The following JHY variants were observed in gnomAD, a reference collection of about 807,000 sequenced individuals.
JHY encodes the protein junctional cadherin complex regulator.
A neutral mutation model predicts 78.0 loss-of-function variants in JHY; 69 were observed. That is an observed-to-expected ratio of 0.88 (90% CI 0.73 to 1.08). The LOEUF is 1.08. JHY is among the 50% of genes least tolerant of loss of function. The pLI, the probability that JHY is intolerant of heterozygous loss-of-function variation, is 0.00. For synonymous variants in JHY, 368 were observed against 342.6 expected (o/e 1.07, Z -0.82); for missense variants, 944 against 927.8 (o/e 1.02, Z -0.23).
At chr11:122,899,621 G>C (rs944824226) in intron 2 of JHY, among the ~76,000 whole-genome samples, 1 of 152,184 alleles carries the variant, frequency 6.6e-6, no homozygotes, top group African/African-American at 2.4e-5. Flanking sequence ...GCATACTAGG[G>C]CAGAAGTTAG....
At chr11:122,901,821 C>A (rs1390082675) in intron 2 of JHY, among the ~76,000 whole-genome samples, 1 of 150,814 alleles carries the variant, frequency 6.6e-6, no homozygotes, top group Admixed American at 6.6e-5. Context: ...TGCAGTTAAC[C>A]AAGATAGCGC....
chr11:122,951,133 G>T (rs1046925226), intron 6 of JHY, among the ~76,000 whole-genome samples: 1 of 152,170 alleles, frequency 6.6e-6, no homozygotes, highest in African/African-American at 2.4e-5. Context: ...GTTTCCAAGA[G>T]AATCGCCCTG....
At chr11:122,939,340 T>C (rs1029571420) in intron 5 of JHY, among the ~76,000 whole-genome samples, 7 of 152,112 alleles carry the variant, frequency 4.6e-5, no homozygotes, top group African/African-American at 9.7e-5. Flanking sequence ...AACTCTCACA[T>C]AGACTTTCAC....
At chr11:122,946,410 A>T in intron 5 of JHY, 88 bp from the exon 6 acceptor site, 1 of 1,369,048 alleles carries the variant, frequency 7.3e-7, no homozygotes, top group Non-Finnish European at 9.8e-7. Context: ...AAATACATCA[A>T]ATTAATGGTT....
rs776711079 is a variant in JHY, at chr11:122,946,639, G to A, written c.1776G>A (p.Thr592=). Reference sequence around the variant, plus strand: ...GTGAAGGGGCCTTATCCAGCGTCACGCTTCCACCTATACTGTCAAGGGTAG... The same window carrying A: ...GTGAAGGGGCCTTATCCAGCGTCACACTTCCACCTATACTGTCAAGGGTAG... ...QPSEGALSSV[T]LPPILSRVES... The change falls in exon 6 of 9, where the codon ACG becomes ACA. Residue 592 remains threonine (T), a synonymous_variant. Transcript: ENST00000227349. The A allele has an allele frequency of 5.0e-6, 8 of 1,613,996 alleles. No homozygotes were observed. Among genetic ancestry groups the A allele is most frequent in the Non-Finnish European group, 6.8e-6 (8 of 1,180,024 alleles).
intron 2 of JHY, among the ~76,000 whole-genome samples, chr11:122,896,808 C>T (rs1862748941): frequency 6.6e-6 from 1 of 152,176 alleles, no homozygotes; most frequent in Non-Finnish European, 1.5e-5. Context: ...TCATGGAACC[C>T]TTACTGTGTG....
In JHY at chr11:122,917,602, C is replaced by G. The variant is rs373590784; in HGVS notation, c.865-7295C>G. Among the ~76,000 whole-genome samples the G allele has an allele frequency of 1.5e-3, 233 of 152,336 alleles. 1 individual carries two copies. Among genetic ancestry groups the G allele is most frequent in the Middle Eastern group, 6.8e-3 (2 of 294 alleles). ...CTTCCAAGTGATTTTGATACATGCT[C>G]AAATTTTAAAACCCCTATGTTAAAA... On this transcript the variant is annotated intron_variant, in intron 3 of 8. Coordinates refer to ENST00000227349, the MANE Select transcript of JHY (RefSeq NM_024806.4). The surrounding 1 kb of genome is among the most constrained non-coding windows in gnomAD (Gnocchi z 4.1).
intron 5 of JHY, among the ~76,000 whole-genome samples, chr11:122,943,991 A>C (rs1313684311): frequency 6.6e-6 from 1 of 152,202 alleles, no homozygotes; most frequent in Non-Finnish European, 1.5e-5. Flanking sequence ...GGATTGCTTG[A>C]GTCCAAGAGT....
intron 3 of JHY, among the ~76,000 whole-genome samples, chr11:122,910,848 G>A (rs3107635): frequency 0.77 from 116,981 of 151,990 alleles, 45,851 homozygotes; most frequent in Admixed American, 0.85. Context: ...TAGTCTTTTT[G>A]CCATTTTGCA....
intron 5 of JHY, among the ~76,000 whole-genome samples, chr11:122,937,258 A>G (rs1276982275): frequency 8.7e-6 from 1 of 115,452 alleles, no homozygotes; most frequent in Non-Finnish European, 1.9e-5. Flanking sequence ...TTTTTTTTTT[A>G]ATTTTTTTGG....
At chr11:122,907,392 G>A (rs1453108867) in intron 3 of JHY, among the ~76,000 whole-genome samples, 1 of 152,042 alleles carries the variant, frequency 6.6e-6, no homozygotes, top group Non-Finnish European at 1.5e-5. Flanking sequence ...CACTGAAAAG[G>A]CTGAGTAAAC....
intron 2 of JHY, among the ~76,000 whole-genome samples, chr11:122,887,543 G>A (rs1193822739): frequency 6.6e-6 from 1 of 151,844 alleles, no homozygotes; most frequent in Admixed American, 6.6e-5. Flanking sequence ...GGATGGTCTC[G>A]ATCTCTTGAT....
chr11:122,959,722 A>G lies in JHY; in HGVS notation c.*277A>G, dbSNP rs908618284. 9 of 319,460 alleles carry G rather than the reference A, an allele frequency of 2.8e-5. No individual in the cohort carries two copies. The highest frequency in any genetic ancestry group is 4.0e-5 in the Non-Finnish European group (7 of 174,386). 19.8% of individuals were successfully genotyped at this position (319,460 alleles called of 1,614,324 possible). A position where few individuals can be genotyped will look rare whatever the true frequency, so the allele number is the denominator to read the frequency against. ...AGAATAAAGCTTTTGTTTTATATTG[A>G]TCTTTTGATTTCTTCATCTCTACCC... On this transcript the variant is annotated 3_prime_UTR_variant, in exon 9 of 9. Coordinates refer to ENST00000227349, the MANE Select transcript of JHY (RefSeq NM_024806.4).
intron 2 of JHY, among the ~76,000 whole-genome samples, chr11:122,894,181 C>T (rs1015236644): frequency 6.6e-6 from 1 of 151,988 alleles, no homozygotes; most frequent in Non-Finnish European, 1.5e-5. Context: ...ATTAGCCGGG[C>T]CCATAATCCC....
intron 2 of JHY, among the ~76,000 whole-genome samples, chr11:122,897,895 A>C (rs886080196): frequency 2.4e-4 from 37 of 152,192 alleles, no homozygotes; most frequent in African/African-American, 8.9e-4. Flanking sequence ...AGACTACCTA[A>C]TTTTTAAAAA....
intron 2 of JHY, 71 bp downstream of exon 2, chr11:122,886,264 C>A: frequency 2.8e-6 from 4 of 1,435,262 alleles, no homozygotes; most frequent in Admixed American, 2.3e-5. Context: ...TGTCGTCATT[C>A]CAAATTAGAG....
At chr11:122,924,797 G>A (rs1863458016) in intron 3 of JHY, 100 bp from the exon 4 acceptor site, 1 of 819,058 alleles carries the variant, frequency 1.2e-6, no homozygotes, top group Admixed American at 2.3e-5. Flanking sequence ...ATAAAACCTA[G>A]CCCAGCAGGA....
intron 2 of JHY, among the ~76,000 whole-genome samples, chr11:122,889,641 C>T (rs909359499): frequency 6.6e-6 from 1 of 152,036 alleles, no homozygotes; most frequent in Non-Finnish European, 1.5e-5. Context: ...GATAACTGAG[C>T]GATGATTATA....
intron 3 of JHY, among the ~76,000 whole-genome samples, chr11:122,920,993 TG>T (rs1279408870): frequency 6.6e-6 from 1 of 152,104 alleles, no homozygotes; most frequent in African/African-American, 2.4e-5. Flanking sequence ...CAATTTCATT[TG>T]ATCATTTTCT....
Sources: gnomAD v4.1 joint callset for allele counts (sites outside exome capture counted in the v4.1 genomes callset) on GRCh38, gnomAD v4.1.1 for gene constraint, Gnocchi (gnomAD v3.1) non-coding constraint, MANE v1.5 for transcripts, NCBI Gene and HGNC (gene_info 2026-07-23, HGNC 2026-07-21) for gene names.